POLR3F: variants seen among roughly 807,000 people sequenced by gnomAD.
The protein encoded by POLR3F is DNA-directed RNA polymerase III subunit RPC6.
In POLR3F, 31 loss-of-function variants were observed where a neutral mutation model predicts 43.6. The ratio of observed to expected loss-of-function variants is 0.71; its 90% confidence interval spans 0.53 to 0.96. POLR3F has a LOEUF of 0.96. POLR3F is among the 40% of genes least tolerant of loss of function. The pLI, the probability that POLR3F is intolerant of heterozygous loss-of-function variation, is 0.00. For synonymous variants in POLR3F, 114 were observed against 132.5 expected, an observed-to-expected ratio of 0.86 and a Z score of 0.96; for missense variants, 316 against 391.7, an observed-to-expected ratio of 0.81 and a Z score of 1.63.
chr20:18,482,966 A>T (rs2059818249), intron 8 of POLR3F, among the ~76,000 whole-genome samples: 1 of 152,080 alleles, frequency 6.6e-6, no homozygotes, highest in Admixed American at 6.5e-5. Flanking sequence ...TGCCCAGCAG[A>T]CAGGTGAGCA....
chr20:18,474,907 A>C (rs1318586042), intron 4 of POLR3F, among the ~76,000 whole-genome samples, 168 bp from the exon 5 acceptor site: 1 of 152,218 alleles, frequency 6.6e-6, no homozygotes, highest in Non-Finnish European at 1.5e-5. Flanking sequence ...AATAAGTCTT[A>C]CAAAGCATTA....
Position 18,483,503 on chromosome 20 carries a change from G to T in POLR3F, c.896G>T (p.Gly299Val). 1 of 1,530,300 alleles carries T rather than the reference G, an allele frequency of 6.5e-7. No individual in the cohort carries two copies. The highest frequency in any genetic ancestry group is 8.9e-7 in the Non-Finnish European group (1 of 1,121,822). The allele number at this position is 1,530,300 out of a possible 1,614,324, so 94.8% of individuals were successfully genotyped here. Residue 299 changes from glycine to valine, a missense_variant, in exon 9 of 9, where the codon GGT (glycine) becomes GTT (valine). Physicochemically the swap from Gly to Val is moderately radical, Grantham distance 109. Transcript: ENST00000377603. ...AAGGTTTTTGATGACTGCCACGAAG[G>T]TGGTGAGATTTCACCATCTAACTGT... Reference protein sequence around the residue: ...LCPVFDDCHEGGEISPSNCIY... With the variant: ...LCPVFDDCHEVGEISPSNCIY...
At chr20:18,481,849 C>T (rs377592422) in intron 8 of POLR3F, 39 bp downstream of exon 8, 281 of 1,281,518 alleles carry the variant, frequency 2.2e-4, no homozygotes, top group African/African-American at 1.6e-3. Flanking sequence ...TGACTGCCCA[C>T]GGGTGCAAGT....
chr20:18,479,141 C>T (rs541624884), intron 5 of POLR3F, among the ~76,000 whole-genome samples: 18 of 150,006 alleles, frequency 1.2e-4, no homozygotes, highest in South Asian at 6.3e-4. Flanking sequence ...AGCGAAACTC[C>T]GTTTCAAAAA....
At chr20:18,480,954 C>G (rs867450034) in intron 7 of POLR3F, among the ~76,000 whole-genome samples, 14 of 152,290 alleles carry the variant, frequency 9.2e-5, no homozygotes, top group African/African-American at 3.4e-4. Flanking sequence ...CTCATAAAAA[C>G]TAGGAACTTG....
chr20:18,482,544 A>G (rs558795187), intron 8 of POLR3F, among the ~76,000 whole-genome samples: 112 of 152,288 alleles, frequency 7.4e-4, no homozygotes, highest in African/African-American at 2.7e-3. Flanking sequence ...TTAGGAAGAC[A>G]TAGGGGCATA....
chr20:18,481,814 A>G lies in POLR3F; in HGVS notation c.873+4A>G, dbSNP rs759009622. ...GGCACCCTGTGGACTCTGCCCGGTG[A>G]GTTAAAGTGGCTTCACTTTACACTT... On this transcript the variant is annotated splice_donor_region_variant and intron_variant, in intron 8 of 8. Transcript: ENST00000377603. 1.4e-5 allele frequency: 22 copies of G among 1,601,070 alleles called. No individual in the cohort carries two copies. Among genetic ancestry groups the G allele is most frequent in the Non-Finnish European group, 1.7e-5 (20 of 1,169,828 alleles).
chr20:18,480,089 G>A lies in POLR3F; in HGVS notation c.481G>A (p.Val161Met). 1 of 1,610,300 alleles carries A rather than the reference G, an allele frequency of 6.2e-7. No homozygotes were observed. The highest frequency in any genetic ancestry group is 8.5e-7 in the Non-Finnish European group (1 of 1,176,636). The change falls in exon 6 of 9, where the codon GTG becomes ATG. Residue 161 changes from valine (V) to methionine (M), a missense_variant. This residue lies in a region of POLR3F where 109 missense variants were observed against 177.7 expected (regional missense o/e 0.61). Coordinates refer to ENST00000377603, the MANE Select transcript of POLR3F (RefSeq NM_006466.4). The stretch of plus-strand genomic sequence containing the variant: ...CTATAACCTGCAGCCAGACCGGTCT[G>A]TGACTGGTGGAGCCTGGTACAGTGA... ...MLYNLQPDRS[V>M]TGGAWYSDQD...
chr20:18,473,262 G>A, intron 3 of POLR3F, 129 bp from the exon 4 acceptor site: 3 of 518,328 alleles, frequency 5.8e-6, no homozygotes, highest in South Asian at 6.1e-5. Context: ...TTCTATTTAA[G>A]GTAAGCCTTT....
chr20:18,467,945 G>A (rs1351443394), intron 1 of POLR3F, among the ~76,000 whole-genome samples: 1 of 152,200 alleles, frequency 6.6e-6, no homozygotes, highest in African/African-American at 2.4e-5. Flanking sequence ...GTCACTAAGG[G>A]AACGTCTATG....
intron 4 of POLR3F, among the ~76,000 whole-genome samples, chr20:18,474,785 G>A (rs917019876): frequency 6.6e-6 from 1 of 152,100 alleles, no homozygotes; most frequent in Non-Finnish European, 1.5e-5. Context: ...GCCTCCCTAA[G>A]TGCTGGGATT....
intron 8 of POLR3F, among the ~76,000 whole-genome samples, chr20:18,482,370 A>C (rs2059815368): frequency 6.6e-6 from 1 of 152,090 alleles, no homozygotes; most frequent in South Asian, 2.1e-4. Flanking sequence ...CTTTTTGATG[A>C]GGGCTAATCA....
At chr20:18,476,353 A>C (rs1358450569) in intron 5 of POLR3F, among the ~76,000 whole-genome samples, 6 of 152,240 alleles carry the variant, frequency 3.9e-5, no homozygotes. Context: ...GAATAATAGA[A>C]TATGTAGTCT....
At chr20:18,479,678 A>G (rs1405158899) in intron 5 of POLR3F, among the ~76,000 whole-genome samples, 1 of 152,228 alleles carries the variant, frequency 6.6e-6, no homozygotes, top group Non-Finnish European at 1.5e-5. Flanking sequence ...CCATAGTGAT[A>G]GAAATACGGT....
chr20:18,472,468 G>A (rs1175458845), intron 2 of POLR3F, among the ~76,000 whole-genome samples: 2 of 152,088 alleles, frequency 1.3e-5, no homozygotes, highest in African/African-American at 2.4e-5. Context: ...ACAGGTGTGA[G>A]CCACCACGCC....
At chr20:18,473,898 T>C (rs1181291507) in intron 4 of POLR3F, among the ~76,000 whole-genome samples, 1 of 152,256 alleles carries the variant, frequency 6.6e-6, no homozygotes, top group East Asian at 1.9e-4. Flanking sequence ...TGTAGCAGTG[T>C]CTTAACAGAT....
intron 5 of POLR3F, among the ~76,000 whole-genome samples, chr20:18,479,100 G>A (rs966287590): frequency 2.0e-5 from 3 of 151,650 alleles, no homozygotes; most frequent in African/African-American, 4.9e-5. Flanking sequence ...AGCTGAGATC[G>A]TGTGCCATTG....
chr20:18,470,847 G>A (rs1359202062), intron 2 of POLR3F, among the ~76,000 whole-genome samples: 1 of 152,148 alleles, frequency 6.6e-6, no homozygotes, highest in Non-Finnish European at 1.5e-5. Context: ...TAATGTTTCT[G>A]ATTTTAGCTC....
chr20:18,479,897 AAAC>A (rs1209824753), intron 5 of POLR3F, 138 bp from the exon 6 acceptor site: 4 of 532,582 alleles, frequency 7.5e-6, no homozygotes, highest in Non-Finnish European at 1.3e-5. Flanking sequence ...AAAATAGGGG[AAAC>A]AGCATGATGT....
Sources: gnomAD v4.1 joint callset for allele counts (sites outside exome capture counted in the v4.1 genomes callset) on GRCh38, gnomAD v4.1.1 for gene constraint, gnomAD v4.1.1 regional missense constraint, MANE v1.5 for transcripts, NCBI Gene and HGNC (gene_info 2026-07-23, HGNC 2026-07-21) for gene names.